CCDC138: variants seen among roughly 807,000 people sequenced by gnomAD.
The protein encoded by CCDC138 is coiled-coil domain containing 138.
A neutral mutation model predicts 82.3 loss-of-function variants in CCDC138; 66 were observed. The observed-to-expected ratio is 0.80, with a 90% CI of 0.66 to 0.98. The LOEUF is 0.98. Among genes scored for constraint, CCDC138 ranks in the 50% least tolerant of loss-of-function variants. The pLI is 0.00. For missense variants in CCDC138, 816 were observed against 758.9 expected (o/e 1.08, Z -0.88); for synonymous variants, 297 against 265.4 (o/e 1.12, Z -1.16).
chr2:108,803,790 A>C (rs1454633554), intron 6 of CCDC138, among the ~76,000 whole-genome samples: 1 of 152,128 alleles, frequency 6.6e-6, no homozygotes, highest in Non-Finnish European at 1.5e-5. Flanking sequence ...TTTATGGTTT[A>C]TTTAGGGCTT....
intron 1 of CCDC138, chr2:108,882,653 A>G (rs1483803956): frequency 1.3e-5 from 2 of 152,204 alleles, no homozygotes; most frequent in African/African-American, 4.8e-5. Context: ...TTCACTTCCC[A>G]TCCCCTTTCC....
intron 13 of CCDC138, among the ~76,000 whole-genome samples, chr2:108,867,416 C>T (rs1694586849): frequency 6.6e-6 from 1 of 152,152 alleles, no homozygotes; most frequent in Admixed American, 6.5e-5. Flanking sequence ...GTAGAAGGAA[C>T]AACATGGTTC....
At chr2:108,874,252 A>G (rs1359027054) in intron 14 of CCDC138, among the ~76,000 whole-genome samples, 1 of 152,160 alleles carries the variant, frequency 6.6e-6, no homozygotes, top group Non-Finnish European at 1.5e-5. Context: ...GAGATTTGAA[A>G]TTACTTTGGT....
intron 10 of CCDC138, among the ~76,000 whole-genome samples, chr2:108,828,337 A>C (rs1193156582): frequency 6.6e-6 from 1 of 152,230 alleles, no homozygotes; most frequent in Non-Finnish European, 1.5e-5. Flanking sequence ...AAACTTTTAT[A>C]TGTCAAAGAA....
intron 2 of CCDC138, chr2:108,884,409 G>C (rs1387795787): frequency 6.6e-6 from 1 of 152,220 alleles, no homozygotes; most frequent in Admixed American, 6.5e-5. Flanking sequence ...TGCATAGCCT[G>C]ACTGGAAGTG....
At chr2:108,812,593 G>T in intron 7 of CCDC138, 38 bp from the exon 8 acceptor site, 1 of 1,459,556 alleles carries the variant, frequency 6.9e-7, no homozygotes, top group South Asian at 1.1e-5. Flanking sequence ...ACCAGTTGAA[G>T]GTGTATATTG....
At chr2:108,875,855 C>T (rs889489576) in intron 14 of CCDC138, among the ~76,000 whole-genome samples, 38 of 152,072 alleles carry the variant, frequency 2.5e-4, no homozygotes, top group Admixed American at 6.5e-4. Context: ...AAGACCTTAT[C>T]TCAAAAGAAA....
At chr2:108,829,516 C>T (rs1687189278) in intron 10 of CCDC138, among the ~76,000 whole-genome samples, 1 of 152,194 alleles carries the variant, frequency 6.6e-6, no homozygotes, top group African/African-American at 2.4e-5. Context: ...GAGGCCAAGG[C>T]AGGCGGGTCA....
chr2:108,796,566 A>G (rs1364644325), intron 5 of CCDC138, among the ~76,000 whole-genome samples: 2 of 152,200 alleles, frequency 1.3e-5, no homozygotes, highest in Non-Finnish European at 2.9e-5. Flanking sequence ...TAACCGAAAT[A>G]TGGAGTCAGT....
intron 10 of CCDC138, among the ~76,000 whole-genome samples, chr2:108,826,866 T>C (rs973995374): frequency 2.0e-5 from 3 of 152,246 alleles, no homozygotes; most frequent in Non-Finnish European, 4.4e-5. Flanking sequence ...TGTCTGCTAA[T>C]CCATGAACAA....
downstream of CCDC138, among the ~76,000 whole-genome samples, chr2:108,879,390 C>T (rs1040035336): frequency 5.9e-5 from 9 of 152,064 alleles, no homozygotes; most frequent in African/African-American, 2.2e-4. Flanking sequence ...TTTAAACTGT[C>T]CCAGAAGGTA....
Position 108,876,210 on chromosome 2 carries a change from G to T in CCDC138, c.1955G>T (p.Gly652Val), listed in dbSNP as rs1420918245. ...INLNSTLFNL[G>V]LTKCNSLVSS... is the part of the protein sequence containing the mutation. ...CTAAATTCAACTCTGTTCAATCTGG[G>T]TTTAACAAAATGTAACTCCCTGGTC... Residue 652 changes from glycine to valine, a missense_variant, in exon 15 of 15, where the codon GGT becomes GTT. Physicochemically the swap from Gly to Val is moderately radical, Grantham distance 109 (BLOSUM62 -3). Coordinates refer to ENST00000295124, the MANE Select transcript of CCDC138 (RefSeq NM_144978.3). 3.7e-6 allele frequency: 6 copies of T among 1,612,686 alleles called. No homozygotes were observed. The highest frequency in any genetic ancestry group is 1.7e-5 in the Admixed American group (1 of 59,940).
chr2:108,796,068 G>T lies in CCDC138; in HGVS notation c.576+1347G>T, dbSNP rs562642377. On this transcript the variant is annotated intron_variant, in intron 5 of 14. Transcript: ENST00000295124. ...TTTTTATTTATTTATTTATTTTTTTGAGACGGAGTCTCACTCTGTGCCCAG... is the reference window on the plus strand; with the variant it reads ...TTTTTATTTATTTATTTATTTTTTTTAGACGGAGTCTCACTCTGTGCCCAG... 1.5e-4 allele frequency among the ~76,000 whole-genome samples: 23 copies of T among 152,086 alleles called. No homozygotes were observed. The South Asian group carries it at 3.3e-3, about 22-fold the overall frequency.
chr2:108,814,030 A>G (rs1042579002), intron 9 of CCDC138, among the ~76,000 whole-genome samples: 3 of 152,330 alleles, frequency 2.0e-5, no homozygotes, highest in South Asian at 2.1e-4. Flanking sequence ...TTTGTCTGCA[A>G]TAAATAAAGC....
chr2:108,849,543 C>T (rs185912409), intron 12 of CCDC138, among the ~76,000 whole-genome samples: 1 of 152,258 alleles, frequency 6.6e-6, no homozygotes, highest in African/African-American at 2.4e-5. Context: ...GGCCCTGACA[C>T]GTCTCCCTGC....
At chr2:108,788,806 G>T in intron 2 of CCDC138, 46 bp from the exon 3 acceptor site, 1 of 1,610,176 alleles carries the variant, frequency 6.2e-7, no homozygotes, top group Non-Finnish European at 8.5e-7. Context: ...GATATTTTGT[G>T]ATATATTGTT....
At chr2:108,848,778 T>G (rs1690922697) in intron 12 of CCDC138, among the ~76,000 whole-genome samples, 1 of 152,168 alleles carries the variant, frequency 6.6e-6, no homozygotes, top group Non-Finnish European at 1.5e-5. Flanking sequence ...AATAATTTAT[T>G]TAATAAATCA....
downstream of CCDC138, among the ~76,000 whole-genome samples, chr2:108,876,758 T>G (rs1021672945): frequency 1.3e-5 from 2 of 152,216 alleles, no homozygotes; most frequent in African/African-American, 4.8e-5. Flanking sequence ...GAAAAAGTTT[T>G]TTATTATGCT....
rs150542155 is a variant in CCDC138, at chr2:108,816,097, T to C, written c.1198T>C (p.Cys400Arg). ...ASQRNDIQEKCVKLLPLMTEQ... is the reference protein window; with the variant it reads ...ASQRNDIQEKRVKLLPLMTEQ... The stretch of plus-strand genomic sequence containing the variant: ...CCAGAGAAATGATATTCAGGAGAAG[T>C]GTGTAAAGGTTTGTTTTTTAATTTG... Residue 400 changes from cysteine to arginine, a missense_variant, in exon 10 of 15, where the codon TGT (cysteine) becomes CGT (arginine). Cys to Arg is a radical substitution (Grantham distance 180). Coordinates refer to ENST00000295124, the MANE Select transcript of CCDC138 (RefSeq NM_144978.3). 1.4e-5 allele frequency: 22 copies of C among 1,600,158 alleles called. No individual in the cohort carries two copies. The highest frequency in any genetic ancestry group is 2.2e-5 in the East Asian group (1 of 44,778).
Sources: gnomAD v4.1 joint callset for allele counts (sites outside exome capture counted in the v4.1 genomes callset) on GRCh38, gnomAD v4.1.1 for gene constraint, MANE v1.5 for transcripts, NCBI Gene and HGNC (gene_info 2026-07-23, HGNC 2026-07-21) for gene names.